The following FGD1 variants were observed in gnomAD, a reference collection of about 807,000 sequenced individuals.
The protein encoded by FGD1 is FYVE, RhoGEF and PH domain containing 1.
Under a neutral mutation model 65.0 loss-of-function variants are expected in FGD1, and 12 were observed. The observed-to-expected ratio is 0.18, with a 90% CI of 0.12 to 0.30. The LOEUF (loss-of-function observed/expected upper bound fraction) is 0.30, where lower values mean the gene tolerates loss of function less well. Among genes scored for constraint, FGD1 ranks in the 10% least tolerant of loss-of-function variants. The pLI, the probability that FGD1 is intolerant of heterozygous loss-of-function variation, is 1.00. For synonymous variants in FGD1, 333 were observed against 343.9 expected (o/e 0.97, Z 0.35); for missense variants, 542 against 837.6 (o/e 0.65, Z 4.36).
chrX:54,472,612 G>A (rs1250634966), intron 1 of FGD1, among the ~76,000 whole-genome samples: 1 of 111,490 alleles, frequency 9.0e-6, no homozygotes, highest in Non-Finnish European at 1.9e-5. Context: ...CCCAGGGATG[G>A]CATGCCCCAA....
intron 1 of FGD1, among the ~76,000 whole-genome samples, chrX:54,485,678 C>G (rs1014228899): frequency 7.2e-5 from 8 of 111,274 alleles, no homozygotes; most frequent in Non-Finnish European, 3.8e-5. Context: ...ACTATGTAGC[C>G]CAGGCTGGTC....
At chrX:54,447,206 C>G (rs1357785168) in intron 17 of FGD1, 105 bp downstream of exon 17, 13 of 922,768 alleles carry the variant, frequency 1.4e-5, no homozygotes, top group Non-Finnish European at 2.0e-5. Flanking sequence ...ATAGGCTCAC[C>G]TTATCTTCCA....
chrX:54,447,387 C>T lies in FGD1; in HGVS notation c.2504G>A (p.Gly835Asp). 2 of 1,211,416 alleles carry T rather than the reference C, an allele frequency of 1.7e-6. No homozygotes were observed. The highest frequency in any genetic ancestry group is 2.2e-6 in the Non-Finnish European group (2 of 895,090). The change falls in exon 17 of 18, where the codon GGC (glycine) becomes GAC (aspartate). Residue 835 changes from glycine to aspartate, a missense_variant. Physicochemically the swap from Gly to Asp is moderately conservative, Grantham distance 94. This residue lies in a region of FGD1 where 182 missense variants were observed against 311.4 expected (regional missense o/e 0.58). Transcript: ENST00000375135. ...CSFLHYMEKGGKGWHKAWFVV... is the reference protein window; with the variant it reads ...CSFLHYMEKGDKGWHKAWFVV... Reference sequence around the variant, plus strand: ...GAACCATGCCTTGTGCCATCCTTTGCCACCCTTCTCCATGTAGTGCAGGAA... The same window carrying T: ...GAACCATGCCTTGTGCCATCCTTTGTCACCCTTCTCCATGTAGTGCAGGAA...
At chrX:54,452,974 C>T (rs540262958) in intron 12 of FGD1, among the ~76,000 whole-genome samples, 4 of 111,111 alleles carry the variant, frequency 3.6e-5, no homozygotes, top group South Asian at 3.8e-4. Flanking sequence ...TACACTTTTC[C>T]GGATATTTGA....
intron 1 of FGD1, among the ~76,000 whole-genome samples, chrX:54,485,534 T>A (rs1211669475): frequency 9.0e-6 from 1 of 111,363 alleles, no homozygotes; most frequent in Non-Finnish European, 1.9e-5. Flanking sequence ...AGTGGCACAA[T>A]CATACTTCAC....
At chrX:54,482,196 G>A (rs765826615) in intron 1 of FGD1, among the ~76,000 whole-genome samples, 1 of 109,956 alleles carries the variant, frequency 9.1e-6, no homozygotes, top group Non-Finnish European at 1.9e-5. Context: ...ATAGATCCAC[G>A]GGGACAAAGA....
intron 1 of FGD1, among the ~76,000 whole-genome samples, chrX:54,472,295 G>A (rs1392276086): frequency 3.8e-5 from 4 of 106,027 alleles, no homozygotes; most frequent in Non-Finnish European, 7.7e-5. Flanking sequence ...AAAAAAAAAA[G>A]AAGAAAAATG....
In FGD1 at chrX:54,470,144, C is replaced by G. The variant is rs1922849603; in HGVS notation, c.973G>C (p.Ala325Pro). ...PALASVPVAL[A>P]DPHRPGSQEV... ...TGGGAGCCAGGCCGGTGGGGGTCGG[C>G]CAAGGCAACAGGCACACTAGCCAGG... Residue 325 changes from alanine (A) to proline (P), a missense_variant, in exon 4 of 18, where the codon GCC becomes CCC. By Grantham distance (27) the Ala-to-Pro change is conservative. Transcript: ENST00000375135. 1 of 1,208,579 alleles carries G rather than the reference C, an allele frequency of 8.3e-7. No individual in the cohort carries two copies.
chrX:54,452,430 T>C, intron 12 of FGD1, among the ~76,000 whole-genome samples: 1 of 110,427 alleles, frequency 9.1e-6, no homozygotes, highest in Non-Finnish European at 1.9e-5. Flanking sequence ...AAATAAGTGG[T>C]TGTACACCCT....
In FGD1 at chrX:54,461,961, C is replaced by T. The variant is rs748579888; in HGVS notation, c.1636+3490G>A. 7.2e-4 allele frequency among the ~76,000 whole-genome samples: 80 copies of T among 111,386 alleles called. No individual in the cohort carries two copies. The Admixed American group carries it at 7.2e-3, about 10-fold the overall frequency. On this transcript the variant is annotated intron_variant, in intron 8 of 17. Coordinates refer to ENST00000375135, the MANE Select transcript of FGD1 (RefSeq NM_004463.3). Reference sequence around the variant, plus strand: ...TCTTTTGGGGACCTCAAGCTGAAGGCTCTCACTGGGAACCCACTCTCAGGG... The same window carrying T: ...TCTTTTGGGGACCTCAAGCTGAAGGTTCTCACTGGGAACCCACTCTCAGGG...
chrX:54,452,514 G>A (rs1289398717), intron 12 of FGD1, among the ~76,000 whole-genome samples: 1 of 110,509 alleles, frequency 9.0e-6, no homozygotes, highest in Non-Finnish European at 1.9e-5. Flanking sequence ...TTGGGAGGCC[G>A]AGCCGGGCAG....
chrX:54,486,068 C>T (rs1249733149), intron 1 of FGD1, among the ~76,000 whole-genome samples: 17 of 108,985 alleles, frequency 1.6e-4, no homozygotes, highest in Non-Finnish European at 2.9e-4. Context: ...CCACCGTGCC[C>T]GGCAAATATG....
At chrX:54,495,086 C>G (rs1438174157) in intron 1 of FGD1, 40 bp downstream of exon 1, 5 of 1,149,791 alleles carry the variant, frequency 4.3e-6, no homozygotes, top group Non-Finnish European at 5.8e-6. Context: ...GTACCAGGCC[C>G]GTGGCCCGGG....
intron 1 of FGD1, among the ~76,000 whole-genome samples, chrX:54,480,528 G>A (rs1437898723): frequency 1.8e-5 from 2 of 111,518 alleles, no homozygotes; most frequent in African/African-American, 3.3e-5. Flanking sequence ...AAACTGGAAA[G>A]CACATGCCTA....
chrX:54,474,960 C>T (rs1410230569), intron 1 of FGD1, among the ~76,000 whole-genome samples: 1 of 112,530 alleles, frequency 8.9e-6, no homozygotes, highest in Non-Finnish European at 1.9e-5. Context: ...GCCCTCCCTA[C>T]CCTATCTGTA....
chrX:54,459,848 G>A (rs1392589477), intron 8 of FGD1, among the ~76,000 whole-genome samples: 2 of 110,456 alleles, frequency 1.8e-5, no homozygotes, highest in Admixed American at 2.0e-4. Flanking sequence ...GGTTCATCCT[G>A]GGGCCTCAGA....
chrX:54,455,366 A>G, intron 12 of FGD1, 82 bp downstream of exon 12: 1 of 778,368 alleles, frequency 1.3e-6, no homozygotes, highest in South Asian at 2.2e-5. Flanking sequence ...CTCTGGAACA[A>G]TCTCTGGGCC....
intron 6 of FGD1, among the ~76,000 whole-genome samples, chrX:54,467,567 G>T (rs1182025152): frequency 2.7e-5 from 3 of 110,939 alleles, no homozygotes; most frequent in Non-Finnish European, 5.7e-5. Context: ...TGTTGGCCAG[G>T]CTGTTCTCGA....
In FGD1 at chrX:54,485,224, C is replaced by T. The variant is rs778274785; in HGVS notation, c.307+9902G>A. Among the ~76,000 whole-genome samples the T allele has an allele frequency of 2.7e-5, 3 of 111,331 alleles. No individual in the cohort carries two copies. In the South Asian group the frequency reaches 1.1e-3, roughly 42 times the overall value. Reference sequence around the variant, plus strand: ...TCCCCTGGAATCTCAAACTACTTCTCTCCAAAACTCCCCAGCAGACCCCAC... The same window carrying T: ...TCCCCTGGAATCTCAAACTACTTCTTTCCAAAACTCCCCAGCAGACCCCAC... On this transcript the variant is annotated intron_variant, in intron 1 of 17. Coordinates refer to ENST00000375135, the MANE Select transcript of FGD1 (RefSeq NM_004463.3).
Sources: gnomAD v4.1 joint callset for allele counts (sites outside exome capture counted in the v4.1 genomes callset) on GRCh38, gnomAD v4.1.1 for gene constraint, gnomAD v4.1.1 regional missense constraint, MANE v1.5 for transcripts, NCBI Gene and HGNC (gene_info 2026-07-23, HGNC 2026-07-21) for gene names.